The following MDGA2 variants were observed in gnomAD, a reference collection of about 807,000 sequenced individuals.
The protein encoded by MDGA2 is MAM domain-containing glycosylphosphatidylinositol anchor protein 2.
MDGA2 carries 40 observed loss-of-function variants against 117.8 expected under a neutral mutation model. That is an observed-to-expected ratio of 0.34 (90% confidence interval 0.26 to 0.44). The LOEUF (loss-of-function observed/expected upper bound fraction) is 0.44, where lower values mean the gene tolerates loss of function less well. Among genes scored for constraint, MDGA2 ranks in the 20% least tolerant of loss-of-function variants. The probability of loss-of-function intolerance (pLI) is 1.00; values close to 1 mark genes in which losing one functional copy is unlikely to be tolerated. For synonymous variants in MDGA2, 452 were observed against 439.0 expected (o/e 1.03, Z -0.37); for missense variants, 1,123 against 1,250.6 (o/e 0.90, Z 1.54).
intron 1 of MDGA2, among the ~76,000 whole-genome samples, chr14:47,587,538 G>C (rs913184734): frequency 7.2e-5 from 11 of 151,808 alleles, no homozygotes; most frequent in Non-Finnish European, 1.5e-4. Flanking sequence ...GAGAATATGA[G>C]TAAACAAATT....
intron 7 of MDGA2, among the ~76,000 whole-genome samples, chr14:47,050,874 C>T (rs1889434293): frequency 6.6e-6 from 1 of 151,944 alleles, no homozygotes. Flanking sequence ...GGCAAGGAGA[C>T]TCTAACATCC....
At chr14:47,245,890 T>C (rs1887219816) in intron 2 of MDGA2, among the ~76,000 whole-genome samples, 1 of 151,730 alleles carries the variant, frequency 6.6e-6, no homozygotes. Flanking sequence ...TTAGGAACAT[T>C]AACTCATTTA....
chr14:47,101,902 A>G (rs1880345773), intron 5 of MDGA2, among the ~76,000 whole-genome samples: 2 of 152,306 alleles, frequency 1.3e-5, no homozygotes, highest in Middle Eastern at 6.8e-3. Flanking sequence ...CATGCCCACT[A>G]AAAATTATAG....
intron 9 of MDGA2, among the ~76,000 whole-genome samples, chr14:46,932,341 GAATAT>G (rs1370398926): frequency 6.6e-6 from 1 of 151,712 alleles, no homozygotes. Flanking sequence ...AAGTTCACAT[GAATAT>G]AATATTACAT....
intron 6 of MDGA2, among the ~76,000 whole-genome samples, chr14:47,091,848 C>A (rs1321536603): frequency 7.2e-5 from 11 of 152,176 alleles, no homozygotes; most frequent in African/African-American, 2.4e-4. Flanking sequence ...TCCATAGTAA[C>A]CTTAGCAGCC....
At chr14:47,097,242 A>AAATTT in intron 5 of MDGA2, 119 bp from the exon 6 acceptor site, 1 of 1,014,290 alleles carries the variant, frequency 9.9e-7, no homozygotes, top group Admixed American at 2.3e-5. Flanking sequence ...CTCTTTTGCC[A>AAATTT]AAATCATACT....
intron 3 of MDGA2, among the ~76,000 whole-genome samples, chr14:47,184,475 C>A (rs893933502): frequency 6.6e-6 from 1 of 151,778 alleles, no homozygotes; most frequent in Non-Finnish European, 1.5e-5. Context: ...TTATTAAATA[C>A]CCATGTAGCC....
intron 1 of MDGA2, among the ~76,000 whole-genome samples, chr14:47,645,656 T>G (rs1897515603): frequency 6.6e-6 from 1 of 152,154 alleles, no homozygotes; most frequent in Non-Finnish European, 1.5e-5. Context: ...ATTATACATT[T>G]TTTTAAGATT....
chr14:47,027,156 TG>T (rs1014256571), intron 8 of MDGA2, among the ~76,000 whole-genome samples: 8 of 151,714 alleles, frequency 5.3e-5, no homozygotes, highest in African/African-American at 1.9e-4. Flanking sequence ...ACAGAGACCC[TG>T]TCTCAAAAAA....
chr14:47,435,072 G>C (rs960655534), intron 1 of MDGA2, among the ~76,000 whole-genome samples: 3 of 152,008 alleles, frequency 2.0e-5, no homozygotes, highest in African/African-American at 7.2e-5. Context: ...GGAGGTGGAG[G>C]TTGCAGTGAG....
intron 1 of MDGA2, among the ~76,000 whole-genome samples, chr14:47,409,866 C>T (rs187097068): frequency 1.3e-3 from 194 of 152,144 alleles, no homozygotes; most frequent in African/African-American, 4.2e-3. Context: ...AAAGAAACAG[C>T]GTGGACCAAT....
Position 47,327,330 on chromosome 14 carries a change from A to G in MDGA2, c.281-25780T>C, listed in dbSNP as rs184761257. 9.1e-4 allele frequency among the ~76,000 whole-genome samples: 139 copies of G among 152,306 alleles called. 1 individual carries two copies. The highest frequency in any genetic ancestry group is 3.0e-3 in the African/African-American group (125 of 41,576). On this transcript the variant is annotated intron_variant, in intron 1 of 16. Transcript: ENST00000399232. ...TTAGAGAGTGAGTATGGAAGCACCA[A>G]TCGGAAACATCCAGCGCATTTGTGT...
At chr14:47,275,566 AG>A (rs1888284778) in intron 2 of MDGA2, among the ~76,000 whole-genome samples, 1 of 152,188 alleles carries the variant, frequency 6.6e-6, no homozygotes, top group African/African-American at 2.4e-5. Flanking sequence ...TTACTATCCT[AG>A]ATTTAAACTA....
intron 8 of MDGA2, among the ~76,000 whole-genome samples, chr14:46,969,801 G>A (rs919972414): frequency 2.6e-5 from 4 of 151,594 alleles, no homozygotes; most frequent in Non-Finnish European, 5.9e-5. Context: ...GGGGGAAGGG[G>A]GAGGGATAGC....
At chr14:47,399,727 CA>C (rs1040830461) in intron 1 of MDGA2, among the ~76,000 whole-genome samples, 3 of 150,234 alleles carry the variant, frequency 2.0e-5, no homozygotes, top group African/African-American at 4.9e-5. Context: ...AAAGAGTTTA[CA>C]AAAAAATCAC....
intron 1 of MDGA2, among the ~76,000 whole-genome samples, chr14:47,649,715 A>AAAAC (rs1897603141): frequency 8.0e-6 from 1 of 124,490 alleles, no homozygotes; most frequent in Non-Finnish European, 1.8e-5. Context: ...CAAAACAAAA[A>AAAAC]AACCCCACAA....
At chr14:47,166,787 A>G (rs1883897775) in intron 3 of MDGA2, among the ~76,000 whole-genome samples, 1 of 152,236 alleles carries the variant, frequency 6.6e-6, no homozygotes, top group Non-Finnish European at 1.5e-5. Flanking sequence ...AGAGCATATT[A>G]CACACGACTC....
chr14:47,619,116 TACAC>T lies in MDGA2; in HGVS notation c.280+55397_280+55400del, dbSNP rs1555336908. On this transcript the variant is annotated intron_variant, in intron 1 of 16. Transcript: ENST00000399232. ...TAGCATCTCTGAGCCTCAGTTTAAT[TACAC>T]ACACACACACACACACACACACACA... 1.7e-3 allele frequency among the ~76,000 whole-genome samples: 156 copies of T among 90,798 alleles called. 1 individual carries two copies. The highest frequency in any genetic ancestry group is 9.4e-3 in the South Asian group (25 of 2,648). The allele number at this position is 90,798 out of a possible 152,430, so 59.6% of individuals were successfully genotyped here.
chr14:47,469,426 T>C (rs1178151399), intron 1 of MDGA2, among the ~76,000 whole-genome samples: 1 of 152,156 alleles, frequency 6.6e-6, no homozygotes, highest in Non-Finnish European at 1.5e-5. Context: ...GTCCTTGCAA[T>C]AGTTTGCTGA....
Sources: allele counts gnomAD v4.1 joint callset (sites outside exome capture counted in the v4.1 genomes callset), GRCh38; gene constraint gnomAD v4.1.1; transcripts MANE v1.5; gene names NCBI Gene and HGNC (gene_info 2026-07-23, HGNC 2026-07-21).